Variants in JAKMIP1 observed in about 807,000 individuals in gnomAD.
JAKMIP1 encodes janus kinase and microtubule-interacting protein 1.
JAKMIP1 carries 33 observed loss-of-function variants against 113.0 expected under a neutral mutation model. The observed-to-expected ratio is 0.29, with a 90% CI of 0.22 to 0.39. The LOEUF (loss-of-function observed/expected upper bound fraction) is 0.39, where lower values mean the gene tolerates loss of function less well. JAKMIP1 is among the 10% of genes least tolerant of loss of function. JAKMIP1 has a pLI of 1.00. For missense variants in JAKMIP1, 813 were observed against 1,080.5 expected (o/e 0.75, Z 3.47); for synonymous variants, 480 against 459.9 (o/e 1.04, Z -0.56).
intron 2 of JAKMIP1, among the ~76,000 whole-genome samples, chr4:6,111,004 G>A (rs114188125): frequency 0.012 from 1,781 of 152,006 alleles, 29 homozygotes; most frequent in African/African-American, 0.041. Context: ...GGATGCACTC[G>A]GCCTGGAATC....
chr4:6,190,603 G>A (rs1311143722), intron 1 of JAKMIP1, among the ~76,000 whole-genome samples: 3 of 151,562 alleles, frequency 2.0e-5, no homozygotes, highest in African/African-American at 7.2e-5. Flanking sequence ...AGCACACCCC[G>A]CCTCCCACCC....
At position 6,044,163 on chromosome 4, in the gene JAKMIP1, T is replaced by C. The variant is rs561650308; in HGVS notation, c.2029-1936A>G. On this transcript the variant is annotated intron_variant, in intron 16 of 20. Transcript: ENST00000409021. The surrounding 1 kb of genome is among the most constrained non-coding windows in gnomAD (Gnocchi z 4.4). The stretch of plus-strand genomic sequence containing the variant: ...GTGCCCATGTCAGTCATCTTGTGAA[T>C]GCCGGGTCGTAGCACTCACCTGACA... Among the ~76,000 whole-genome samples, 1 of 144,982 alleles carries C rather than the reference T, an allele frequency of 6.9e-6. No homozygotes were observed. Among genetic ancestry groups the C allele is most frequent in the East Asian group, 1.9e-4 (1 of 5,150 alleles).
rs1713901065 is a variant in JAKMIP1 at position 6,106,126 on chromosome 4, G to C, written c.130-159C>G. Among the ~76,000 whole-genome samples, 1 of 152,168 alleles carries C rather than the reference G, an allele frequency of 6.6e-6. No individual in the cohort carries two copies. Among genetic ancestry groups the C allele is most frequent in the African/African-American group, 2.4e-5 (1 of 41,436 alleles). ...TTCCCCCTTCGGCAGTGCCCTGCAG[G>C]CCTGACCCTCCTGCCAGCCCCACTT... On this transcript the variant is annotated intron_variant, in intron 2 of 20. Coordinates refer to ENST00000409021, the MANE Select transcript of JAKMIP1 (RefSeq NM_001099433.2). The surrounding 1 kb of genome is among the most constrained non-coding windows in gnomAD (Gnocchi z 5.9).
chr4:6,187,296 G>A lies in JAKMIP1; in HGVS notation c.-148+12957C>T, dbSNP rs762412745. ...TTTAAACTCATTTTGTCTAATATCA[G>A]TACAGCCCCTTAGCTTTCTTATGGT... is the stretch of plus-strand genomic sequence containing the variant. On this transcript the variant is annotated intron_variant, in intron 1 of 20. Coordinates refer to ENST00000409021, the MANE Select transcript of JAKMIP1 (RefSeq NM_001099433.2). The surrounding 1 kb of genome is among the most constrained non-coding windows in gnomAD (Gnocchi z 4.2). Among the ~76,000 whole-genome samples, 3 of 152,116 alleles carry A rather than the reference G, an allele frequency of 2.0e-5. No individual in the cohort carries two copies. The highest frequency in any genetic ancestry group is 2.4e-5 in the African/African-American group (1 of 41,420).
Position 6,039,030 on chromosome 4 carries a change from A to G in JAKMIP1, c.2175+1609T>C, listed in dbSNP as rs1216462352. On this transcript the variant is annotated intron_variant, in intron 18 of 20. Coordinates refer to ENST00000409021, the MANE Select transcript of JAKMIP1 (RefSeq NM_001099433.2). The stretch of plus-strand genomic sequence containing the variant: ...ACTTCCTGACTGTTCATGAGAATCC[A>G]GGGGCTGCGTCAGAACTCCTGTCTA... Among the ~76,000 whole-genome samples, 7 of 152,308 alleles carry G rather than the reference A, an allele frequency of 4.6e-5. No homozygotes were observed. The East Asian group carries it at 1.4e-3, about 29-fold the overall frequency.
At chr4:6,177,053 G>T (rs572303241) in intron 1 of JAKMIP1, among the ~76,000 whole-genome samples, 1 of 152,170 alleles carries the variant, frequency 6.6e-6, no homozygotes, top group African/African-American at 2.4e-5. Flanking sequence ...TTTTTTAAAT[G>T]ATCGGAAAGG....
At chr4:6,048,085 C>A (rs1267626410) in intron 16 of JAKMIP1, among the ~76,000 whole-genome samples, 1 of 152,130 alleles carries the variant, frequency 6.6e-6, no homozygotes, top group African/African-American at 2.4e-5. Flanking sequence ...ATAGATAATA[C>A]ACATAAAAAA....
rs1441770572 is a variant in JAKMIP1 at position 6,086,239 on chromosome 4, C to G, written c.625-610G>C. Reference sequence around the variant, plus strand: ...TTCTTTATAGACTGTCTTGCTCTGGCTCTCATTGAAGCCTGGAGTTTCCAA... The same window carrying G: ...TTCTTTATAGACTGTCTTGCTCTGGGTCTCATTGAAGCCTGGAGTTTCCAA... On this transcript the variant is annotated intron_variant, in intron 3 of 20. Coordinates refer to ENST00000409021, the MANE Select transcript of JAKMIP1 (RefSeq NM_001099433.2). This position sits in a 1 kb window ranked among gnomAD's most constrained non-coding sequence, Gnocchi z 4.1. 6.6e-6 allele frequency among the ~76,000 whole-genome samples: 1 copy of G among 152,186 alleles called. No individual in the cohort carries two copies. The highest frequency in any genetic ancestry group is 1.5e-5 in the Non-Finnish European group (1 of 68,036).
chr4:6,029,399 C>A (rs1712292573), intron 20 of JAKMIP1, among the ~76,000 whole-genome samples: 1 of 152,196 alleles, frequency 6.6e-6, no homozygotes, highest in Non-Finnish European at 1.5e-5. Context: ...CCACTGACCT[C>A]ATCGGGCTAA....
At chr4:6,117,863 T>C (rs1165231655) in intron 1 of JAKMIP1, among the ~76,000 whole-genome samples, 2 of 152,278 alleles carry the variant, frequency 1.3e-5, no homozygotes, top group Non-Finnish European at 2.9e-5. Context: ...TCTGCCTGGC[T>C]CACCAGCGGT....
Position 6,081,595 on chromosome 4 carries a change from G to T in JAKMIP1, c.1101+14C>A, listed in dbSNP as rs779426007. The T allele has an allele frequency of 3.7e-6, 6 of 1,613,770 alleles. No individual in the cohort carries two copies. In the African/African-American group the frequency reaches 6.7e-5, roughly 18 times the overall value. On this transcript the variant is annotated intron_variant, in intron 6 of 20. Coordinates refer to ENST00000409021, the MANE Select transcript of JAKMIP1 (RefSeq NM_001099433.2). This position sits in a 1 kb window ranked among gnomAD's most constrained non-coding sequence, Gnocchi z 4.6. ...GGGAGTGTCAGGGCTGTCCCCAAGG[G>T]GTCCACAGCTCACCATTTCCACGTT...
rs1560627977 is a variant in JAKMIP1, at chr4:6,036,075, TGTGTACA to T, written c.2201_2207del (p.Leu734GlnfsTer15). 1 of 1,557,354 alleles carries T rather than the reference TGTGTACA, an allele frequency of 6.4e-7. No homozygotes were observed. The highest frequency in any genetic ancestry group is 8.7e-7 in the Non-Finnish European group (1 of 1,150,032). ...TCCGCCCCGGCTCCTGCTGCAGCGCTGTGTACAGTGTGGCCTCCAGGTCTTGGATTTT... is the reference window on the plus strand; with the variant it reads ...TCCGCCCCGGCTCCTGCTGCAGCGCTGTGTGGCCTCCAGGTCTTGGATTTT... On this transcript the variant is annotated frameshift_variant, in exon 19 of 21. Transcript: ENST00000409021. LOFTEE classifies it high-confidence loss of function.
At position 6,135,278 on chromosome 4, in the gene JAKMIP1, A is replaced by T. The variant is rs1719062437; in HGVS notation, c.-147-22281T>A. On this transcript the variant is annotated intron_variant, in intron 1 of 20. Transcript: ENST00000409021. The surrounding 1 kb of genome is among the most constrained non-coding windows in gnomAD (Gnocchi z 4.9). ...TTAGGGTGGGACCTAATCCAAGATG[A>T]CGGATGTCCTAACAATACGAGGAAA... 6.6e-6 allele frequency among the ~76,000 whole-genome samples: 1 copy of T among 152,168 alleles called. No homozygotes were observed. The highest frequency in any genetic ancestry group is 2.4e-5 in the African/African-American group (1 of 41,428).
rs1046760630 is a variant in JAKMIP1 at position 6,153,221 on chromosome 4, C to T, written c.-147-40224G>A. Among the ~76,000 whole-genome samples, 2 of 152,180 alleles carry T rather than the reference C, an allele frequency of 1.3e-5. No individual in the cohort carries two copies. Among genetic ancestry groups the T allele is most frequent in the African/African-American group, 2.4e-5 (1 of 41,426 alleles). Reference sequence around the variant, plus strand: ...ACACCTGCTCACCATTCGACAGCACCCTGATTCCTACTCAGAGGCCCCAAC... The same window carrying T: ...ACACCTGCTCACCATTCGACAGCACTCTGATTCCTACTCAGAGGCCCCAAC... On this transcript the variant is annotated intron_variant, in intron 1 of 20. Coordinates refer to ENST00000409021, the MANE Select transcript of JAKMIP1 (RefSeq NM_001099433.2). The surrounding 1 kb of genome is among the most constrained non-coding windows in gnomAD (Gnocchi z 4.9).
At chr4:6,056,612 TG>T (rs1716506495) in intron 12 of JAKMIP1, 84 bp downstream of exon 12, 1 of 1,025,716 alleles carries the variant, frequency 9.7e-7, no homozygotes, top group Non-Finnish European at 1.5e-6. Context: ...CAAATGGCGC[TG>T]GGCACGACCC....
intron 3 of JAKMIP1, among the ~76,000 whole-genome samples, chr4:6,087,704 A>T (rs773379377): frequency 2.0e-5 from 3 of 152,204 alleles, no homozygotes; most frequent in Non-Finnish European, 1.5e-5. Flanking sequence ...TGCCAGAGGT[A>T]TCACCTCTCT....
chr4:6,049,687 A>G lies in JAKMIP1; in HGVS notation c.1962+132T>C. 1.4e-6 allele frequency: 1 copy of G among 706,604 alleles called. No homozygotes were observed. Among genetic ancestry groups the G allele is most frequent in the South Asian group, 1.8e-5 (1 of 54,490 alleles). The allele number at this position is 706,604 out of a possible 1,614,324, so 43.8% of individuals were successfully genotyped here. A position where few individuals can be genotyped will look rare whatever the true frequency, so the allele number is the denominator to read the frequency against. On this transcript the variant is annotated intron_variant, in intron 15 of 20. Transcript: ENST00000409021. This position sits in a 1 kb window ranked among gnomAD's most constrained non-coding sequence, Gnocchi z 7.0. ...ACCCACACAGGAACACGGCCATACA[A>G]AAGCCTTACATTGTACTTCTTAGAT...
chr4:6,054,923 A>AG, intron 12 of JAKMIP1: 1 of 447,928 alleles, frequency 2.2e-6, no homozygotes, highest in Non-Finnish European at 4.5e-6. Flanking sequence ...AAATGGGATG[A>AG]GGGGGTGAGG....
chr4:6,173,856 G>T (rs116589620), intron 1 of JAKMIP1, among the ~76,000 whole-genome samples: 1 of 152,026 alleles, frequency 6.6e-6, no homozygotes, highest in African/African-American at 2.4e-5. Flanking sequence ...CGGGCGGATC[G>T]CTCGAGGCCA....
Sources: gnomAD v4.1 joint callset for allele counts (sites outside exome capture counted in the v4.1 genomes callset) on GRCh38, gnomAD v4.1.1 for gene constraint, Gnocchi (gnomAD v3.1) non-coding constraint, MANE v1.5 for transcripts, NCBI Gene and HGNC (gene_info 2026-07-23, HGNC 2026-07-21) for gene names.